TAFA1: variants seen among roughly 807,000 people sequenced by gnomAD.
TAFA1 encodes the protein chemokine-like protein TAFA-1.
A neutral mutation model predicts 18.5 loss-of-function variants in TAFA1; 4 were observed. The ratio of observed to expected loss-of-function variants is 0.22; its 90% CI spans 0.11 to 0.49. TAFA1 has a LOEUF of 0.49. Among genes scored for constraint, TAFA1 ranks in the 20% least tolerant of loss-of-function variants. The pLI is 0.98. For missense variants in TAFA1, 147 were observed against 169.0 expected (o/e 0.87, Z 0.72); for synonymous variants, 56 against 55.2 (o/e 1.01, Z -0.06).
At chr3:68,498,900 T>C (rs1478108985) in intron 3 of TAFA1, among the ~76,000 whole-genome samples, 1 of 152,074 alleles carries the variant, frequency 6.6e-6, no homozygotes, top group Non-Finnish European at 1.5e-5. Flanking sequence ...GATATATTTT[T>C]TAACACTTAC....
At chr3:68,232,134 C>G (rs2066879737) in intron 2 of TAFA1, among the ~76,000 whole-genome samples, 1 of 152,112 alleles carries the variant, frequency 6.6e-6, no homozygotes, top group Non-Finnish European at 1.5e-5. Context: ...TAAGGTCACC[C>G]TATACTACTA....
chr3:68,384,194 T>A (rs1434244200), intron 2 of TAFA1, among the ~76,000 whole-genome samples: 1 of 152,056 alleles, frequency 6.6e-6, no homozygotes, highest in Non-Finnish European at 1.5e-5. Flanking sequence ...TCAGCTCTAA[T>A]TTCGGTTATT....
At chr3:68,277,750 G>T in intron 2 of TAFA1, among the ~76,000 whole-genome samples, 1 of 152,144 alleles carries the variant, frequency 6.6e-6, no homozygotes, top group East Asian at 1.9e-4. Context: ...CAGACTTCTA[G>T]ATTCTTGTCT....
At chr3:68,411,244 T>C (rs2070710064) in intron 2 of TAFA1, among the ~76,000 whole-genome samples, 1 of 152,186 alleles carries the variant, frequency 6.6e-6, no homozygotes, top group South Asian at 2.1e-4. Context: ...GGTGGGCTCT[T>C]GATGTAGCCA....
intron 2 of TAFA1, among the ~76,000 whole-genome samples, chr3:68,296,669 G>A (rs1272014366): frequency 6.6e-6 from 1 of 152,004 alleles, no homozygotes; most frequent in Non-Finnish European, 1.5e-5. Flanking sequence ...TACACTTCCT[G>A]TTTCAACATA....
At chr3:68,219,069 A>G (rs1202547473) in intron 2 of TAFA1, among the ~76,000 whole-genome samples, 1 of 151,846 alleles carries the variant, frequency 6.6e-6, no homozygotes, top group Non-Finnish European at 1.5e-5. Flanking sequence ...ACTTACCATT[A>G]GAAATCCTCT....
intron 2 of TAFA1, among the ~76,000 whole-genome samples, chr3:68,139,107 A>T (rs756833506): frequency 5.9e-5 from 9 of 152,244 alleles, no homozygotes; most frequent in Admixed American, 5.2e-4. Context: ...AAACACCAAC[A>T]TACTCTAATT....
At chr3:68,396,395 C>T (rs1457369442) in intron 2 of TAFA1, among the ~76,000 whole-genome samples, 1 of 152,110 alleles carries the variant, frequency 6.6e-6, no homozygotes, top group Admixed American at 6.6e-5. Flanking sequence ...TACTACCTTT[C>T]CCAAGGTAGC....
At chr3:68,371,116 C>G (rs957083947) in intron 2 of TAFA1, among the ~76,000 whole-genome samples, 10 of 152,056 alleles carry the variant, frequency 6.6e-5, no homozygotes, top group Admixed American at 3.9e-4. Context: ...CCCATTGATG[C>G]AATGTAAATA....
At chr3:68,226,505 AT>A (rs2066802086) in intron 2 of TAFA1, among the ~76,000 whole-genome samples, 1 of 152,130 alleles carries the variant, frequency 6.6e-6, no homozygotes, top group Non-Finnish European at 1.5e-5. Flanking sequence ...TGAAGTTCCA[AT>A]ATAGGAGACA....
chr3:68,164,486 C>G (rs565723103), intron 2 of TAFA1, among the ~76,000 whole-genome samples: 6 of 152,204 alleles, frequency 3.9e-5, no homozygotes, highest in Admixed American at 1.3e-4. Flanking sequence ...GTAGAATATT[C>G]CCAGTTTTTG....
chr3:67,995,556 T>G, the TAFA1 span, among the ~76,000 whole-genome samples: 3 of 152,164 alleles, frequency 2.0e-5, no homozygotes, highest in African/African-American at 7.2e-5. Context: ...ACTGTTAGAT[T>G]CTTCTCCCAG....
At chr3:68,041,037 T>C (rs1227933269) in intron 2 of TAFA1, among the ~76,000 whole-genome samples, 3 of 152,200 alleles carry the variant, frequency 2.0e-5, no homozygotes, top group Non-Finnish European at 4.4e-5. Flanking sequence ...ACAGTGCCTC[T>C]CTTCTGCCAA....
At chr3:68,026,261 A>G (rs1350047387) in intron 2 of TAFA1, among the ~76,000 whole-genome samples, 1 of 152,008 alleles carries the variant, frequency 6.6e-6, no homozygotes, top group Non-Finnish European at 1.5e-5. Context: ...ATCCTTGTGA[A>G]GATGAGGTGA....
chr3:68,032,266 A>C (rs561350853), intron 2 of TAFA1, among the ~76,000 whole-genome samples: 1 of 152,308 alleles, frequency 6.6e-6, no homozygotes, highest in Non-Finnish European at 1.5e-5. Context: ...AAGTGTACTA[A>C]AGTATGGAGA....
intron 2 of TAFA1, among the ~76,000 whole-genome samples, chr3:68,117,104 A>T (rs1197857485): frequency 2.0e-5 from 3 of 152,160 alleles, no homozygotes; most frequent in Non-Finnish European, 4.4e-5. Flanking sequence ...TTTTGCGCAA[A>T]TAAGTTTCTT....
chr3:68,290,732 T>G (rs1217681155), intron 2 of TAFA1, among the ~76,000 whole-genome samples: 1 of 152,190 alleles, frequency 6.6e-6, no homozygotes, highest in Non-Finnish European at 1.5e-5. Flanking sequence ...TTAATTGATA[T>G]CTGTATTGCT....
chr3:68,388,102 G>A (rs377751822), intron 2 of TAFA1, among the ~76,000 whole-genome samples: 11 of 152,038 alleles, frequency 7.2e-5, no homozygotes, highest in East Asian at 1.9e-4. Context: ...TAGAAACCAC[G>A]TAAAATTCCT....
intron 2 of TAFA1, among the ~76,000 whole-genome samples, chr3:68,381,483 C>T (rs903881236): frequency 1.3e-5 from 2 of 152,178 alleles, no homozygotes; most frequent in African/African-American, 4.8e-5. Context: ...AGAGGTCCTT[C>T]ACATCCCTTG....
Sources: allele counts gnomAD v4.1 joint callset (sites outside exome capture counted in the v4.1 genomes callset), GRCh38; gene constraint gnomAD v4.1.1; transcripts MANE v1.5; gene names NCBI Gene and HGNC (gene_info 2026-07-23, HGNC 2026-07-21).